The following RSPH14 variants were observed in gnomAD, a reference collection of about 807,000 sequenced individuals.
RSPH14 encodes rhabdoid tumor deletion region gene 1.
A neutral mutation model predicts 26.7 loss-of-function variants in RSPH14; 20 were observed. The ratio of observed to expected loss-of-function variants is 0.75; its 90% CI spans 0.53 to 1.09. The LOEUF (loss-of-function observed/expected upper bound fraction) is 1.09. Ranked by LOEUF, RSPH14 falls within the 50% of genes least tolerant of loss-of-function variation. RSPH14 has a pLI of 0.00. For missense variants in RSPH14, 449 were observed against 457.2 expected, an observed-to-expected ratio of 0.98 and a Z score of 0.16; for synonymous variants, 177 against 189.3, an observed-to-expected ratio of 0.93 and a Z score of 0.53.
intron 4 of RSPH14, among the ~76,000 whole-genome samples, chr22:23,087,335 G>A (rs559571361): frequency 1.4e-4 from 22 of 152,268 alleles, no homozygotes; most frequent in South Asian, 8.3e-4. Flanking sequence ...GCGTGGTGGC[G>A]CGTGCCTGCA....
the RSPH14 span, among the ~76,000 whole-genome samples, chr22:23,172,962 G>A: frequency 1.3e-5 from 2 of 150,616 alleles, no homozygotes; most frequent in African/African-American, 4.9e-5. Context: ...AAAAAAAAAA[G>A]AATGTCATAT....
chr22:23,166,539 T>G, the RSPH14 span, among the ~76,000 whole-genome samples: 3 of 152,096 alleles, frequency 2.0e-5, no homozygotes, highest in Non-Finnish European at 4.4e-5. Flanking sequence ...AAAGCCTGCT[T>G]TAGCCTCTCC....
intron 4 of RSPH14, among the ~76,000 whole-genome samples, chr22:23,101,957 G>A (rs527550706): frequency 6.6e-6 from 1 of 152,200 alleles, no homozygotes; most frequent in Non-Finnish European, 1.5e-5. Flanking sequence ...TCTAAGCTTG[G>A]CCTGGCTTCC....
At chr22:23,115,384 G>A (rs539897827) in intron 4 of RSPH14, among the ~76,000 whole-genome samples, 14 of 152,272 alleles carry the variant, frequency 9.2e-5, no homozygotes, top group African/African-American at 2.6e-4. Context: ...GGGAGGTGAC[G>A]GTCCCACCAT....
chr22:23,117,426 G>A (rs1472467880), intron 4 of RSPH14, among the ~76,000 whole-genome samples: 4 of 152,220 alleles, frequency 2.6e-5, no homozygotes, highest in Admixed American at 6.5e-5. Flanking sequence ...AAGAAGTGTT[G>A]CTGGCTGAAT....
At chr22:23,171,969 G>A in the RSPH14 span, among the ~76,000 whole-genome samples, 2 of 151,942 alleles carry the variant, frequency 1.3e-5, no homozygotes, top group Non-Finnish European at 2.9e-5. Context: ...CAAGCACCTG[G>A]TTACCAGGAA....
At chr22:23,104,522 A>G (rs1569178154) in intron 4 of RSPH14, among the ~76,000 whole-genome samples, 1 of 152,218 alleles carries the variant, frequency 6.6e-6, no homozygotes, top group Non-Finnish European at 1.5e-5. Context: ...TCCTGAGCGC[A>G]TTAGCTCTGC....
At chr22:23,083,784 C>T (rs755349684) in intron 4 of RSPH14, among the ~76,000 whole-genome samples, 2 of 152,206 alleles carry the variant, frequency 1.3e-5, no homozygotes, top group Non-Finnish European at 2.9e-5. Flanking sequence ...AGTCCAGTCC[C>T]ACTGCCGAAC....
At position 23,074,427 on chromosome 22, in the gene RSPH14, T is replaced by G. The variant is rs920674573; in HGVS notation, c.422-10294A>C. 3.3e-5 allele frequency among the ~76,000 whole-genome samples: 5 copies of G among 152,160 alleles called. No homozygotes were observed. In the East Asian group the frequency reaches 9.6e-4, roughly 29 times the overall value. ...AACCAGTAGAAAGATGGAGCTGGTA[T>G]TGGCTGAGAAGCAAGATACAGAAAA... On this transcript the variant is annotated intron_variant, in intron 4 of 6. Coordinates refer to ENST00000216036, the MANE Select transcript of RSPH14 (RefSeq NM_014433.3).
chr22:23,064,171 A>T, intron 4 of RSPH14, 38 bp from the exon 5 acceptor site: 1 of 1,588,232 alleles, frequency 6.3e-7, no homozygotes. Flanking sequence ...CGGGCTGGCC[A>T]CACACCCACC....
chr22:23,134,548 CAAAAAAAAAAA>C (rs59412175), intron 3 of RSPH14, among the ~76,000 whole-genome samples: 3 of 86,148 alleles, frequency 3.5e-5, no homozygotes, highest in Non-Finnish European at 6.7e-5. Flanking sequence ...AACTCCCAAC[CAAAAAAAAAAA>C]AAAAAAAAAA....
intron 6 of RSPH14, 148 bp from the exon 7 acceptor site, chr22:23,059,866 C>G: frequency 1.1e-6 from 1 of 873,050 alleles, no homozygotes; most frequent in Non-Finnish European, 1.6e-6. Context: ...CCCTCACCCT[C>G]AGGGCTCTTG....
chr22:23,125,265 TGG>T, intron 4 of RSPH14, among the ~76,000 whole-genome samples: 1 of 152,064 alleles, frequency 6.6e-6, no homozygotes, highest in East Asian at 1.9e-4. Flanking sequence ...AGTCCTGGTG[TGG>T]AGGTCTGGGG....
chr22:23,158,399 T>A, the RSPH14 span, among the ~76,000 whole-genome samples: 2 of 152,218 alleles, frequency 1.3e-5, no homozygotes, highest in Non-Finnish European at 2.9e-5. Flanking sequence ...CTGAAAACTG[T>A]ATAGCCAGTC....
rs11704834 is a variant in RSPH14 at position 23,139,909 on chromosome 22, T to G, written c.199+313A>C. The stretch of plus-strand genomic sequence containing the variant: ...GATCTTGTTTATAAAAAAATAATAA[T>G]AAGAAATTAGTCAGCCATGGTGGTA... On this transcript the variant is annotated intron_variant, in intron 2 of 6. Coordinates refer to ENST00000216036, the MANE Select transcript of RSPH14 (RefSeq NM_014433.3). 1.9e-3 allele frequency among the ~76,000 whole-genome samples: 282 copies of G among 152,140 alleles called. 3 individuals are homozygous for G. Among genetic ancestry groups the G allele is most frequent in the Admixed American group, 2.6e-3 (39 of 15,276 alleles).
the RSPH14 span, among the ~76,000 whole-genome samples, chr22:23,159,515 G>C: frequency 6.6e-6 from 1 of 152,250 alleles, no homozygotes; most frequent in African/African-American, 2.4e-5. Flanking sequence ...GTGTCATGCC[G>C]TGCTGGCCTG....
intron 4 of RSPH14, among the ~76,000 whole-genome samples, chr22:23,073,445 C>A (rs549030252): frequency 1.1e-3 from 162 of 152,322 alleles, no homozygotes; most frequent in African/African-American, 3.7e-3. Flanking sequence ...GTGAGGTGAG[C>A]ATTCCAGTCT....
chr22:23,139,213 C>T (rs1292657994), intron 2 of RSPH14, among the ~76,000 whole-genome samples: 1 of 152,252 alleles, frequency 6.6e-6, no homozygotes, highest in East Asian at 1.9e-4. Context: ...AGAAAATGGC[C>T]TTTGCCATTT....
At chr22:23,166,177 A>AT in the RSPH14 span, among the ~76,000 whole-genome samples, 1 of 124,890 alleles carries the variant, frequency 8.0e-6, no homozygotes, top group East Asian at 2.2e-4. Flanking sequence ...AAAAAAAAAA[A>AT]GGAGTGTTTC....
Sources: gnomAD v4.1 joint callset for allele counts (sites outside exome capture counted in the v4.1 genomes callset) on GRCh38, gnomAD v4.1.1 for gene constraint, MANE v1.5 for transcripts, NCBI Gene and HGNC (gene_info 2026-07-23, HGNC 2026-07-21) for gene names.